Variants in CUL4A observed in about 807,000 individuals in gnomAD.
The protein encoded by CUL4A is cullin-4A.
CUL4A carries 16 observed loss-of-function variants against 95.5 expected under a neutral mutation model. The ratio of observed to expected loss-of-function variants is 0.17; its 90% CI spans 0.11 to 0.25. The LOEUF is 0.25. CUL4A is among the 10% of genes least tolerant of loss of function. The pLI, the probability that CUL4A is intolerant of heterozygous loss-of-function variation, is 1.00. For missense variants in CUL4A, 610 were observed against 937.0 expected, an observed-to-expected ratio of 0.65 and a Z score of 4.56; for synonymous variants, 380 against 353.1, an observed-to-expected ratio of 1.08 and a Z score of -0.85.
chr13:113,237,386 G>C (rs1486220494), intron 9 of CUL4A, among the ~76,000 whole-genome samples: 4 of 152,232 alleles, frequency 2.6e-5, no homozygotes, highest in African/African-American at 9.6e-5. Flanking sequence ...TGGTTTTCTG[G>C]AAGAGAAGAG....
rs554786448 is a variant in CUL4A, at chr13:113,235,863, T to C, written c.848+718T>C. On this transcript the variant is annotated intron_variant, in intron 8 of 19. Coordinates refer to ENST00000375440, the MANE Select transcript of CUL4A (RefSeq NM_001008895.4). ...GCGGGAACCTATAGTCCCAGCTACT[T>C]GGGAGGCTGAGGCAGGAGAATGGCA... 5.4e-4 allele frequency among the ~76,000 whole-genome samples: 81 copies of C among 150,430 alleles called. No individual in the cohort carries two copies. The Middle Eastern group carries it at 0.01, about 19-fold the overall frequency.
intron 5 of CUL4A, among the ~76,000 whole-genome samples, chr13:113,230,408 T>C (rs928251919): frequency 1.3e-5 from 2 of 152,168 alleles, no homozygotes; most frequent in African/African-American, 2.4e-5. Context: ...CTATACAATT[T>C]TGGACACCCT....
intron 4 of CUL4A, 51 bp downstream of exon 4, chr13:113,228,096 AC>A: frequency 7.4e-7 from 1 of 1,343,466 alleles, no homozygotes; most frequent in Non-Finnish European, 1.1e-6. Flanking sequence ...ATCTTCCCTC[AC>A]CCACATGATT....
Position 113,209,740 on chromosome 13 carries a change from G to C in CUL4A, c.113G>C (p.Gly38Ala), listed in dbSNP as rs953495267. The change falls in exon 1 of 20, where the codon GGC becomes GCC. Residue 38 changes from glycine (G) to alanine (A), a missense_variant. Gly to Ala is a moderately conservative substitution (Grantham distance 60). This residue lies in a region of CUL4A where 168 missense variants were observed against 185.5 expected (regional missense o/e 0.91). Transcript: ENST00000375440. The part of the protein sequence containing the change: ...AAAPAKPGGA[G>A]GSKKLVIKNF... ...GCGCCCGCCAAGCCGGGGGGCGCGGGCGGCTCCAAGAAGCTGGTCATCAAG... is the reference window on the plus strand; with the variant it reads ...GCGCCCGCCAAGCCGGGGGGCGCGGCCGGCTCCAAGAAGCTGGTCATCAAG... 3.4e-6 allele frequency: 4 copies of C among 1,170,488 alleles called. No individual in the cohort carries two copies. The highest frequency in any genetic ancestry group is 4.2e-6 in the Non-Finnish European group (4 of 948,636). 72.5% of individuals were successfully genotyped at this position (1,170,488 alleles called of 1,614,324 possible). A position where few individuals can be genotyped will look rare whatever the true frequency, so the allele number is the denominator to read the frequency against.
intron 18 of CUL4A, among the ~76,000 whole-genome samples, chr13:113,255,436 A>T (rs746465435): frequency 3.9e-5 from 6 of 152,154 alleles, no homozygotes; most frequent in Non-Finnish European, 8.8e-5. Flanking sequence ...ATAGAATCTG[A>T]TATGGTTCAC....
In CUL4A at chr13:113,211,381, T is replaced by G. The variant is rs72665217; in HGVS notation, c.264+1293T>G. On this transcript the variant is annotated intron_variant, in intron 2 of 19. Transcript: ENST00000375440. The stretch of plus-strand genomic sequence containing the variant: ...GACATTTGGGTGTCCATGTTTGGGG[T>G]TTTTTGTTTGTTTGTTCTTTGAGAC... Among the ~76,000 whole-genome samples, 713 of 152,182 alleles carry G rather than the reference T, an allele frequency of 4.7e-3. 1 individual carries two copies. The highest frequency in any genetic ancestry group is 0.01 in the Middle Eastern group (3 of 294).
chr13:113,241,511 C>CTTTT (rs10645246), intron 10 of CUL4A, among the ~76,000 whole-genome samples: 89 of 120,042 alleles, frequency 7.4e-4, no homozygotes, highest in Admixed American at 1.1e-3. Flanking sequence ...CTGTTGGCAT[C>CTTTT]TTTTTTTTTT....
At chr13:113,241,005 A>AG (rs1391737197) in intron 10 of CUL4A, among the ~76,000 whole-genome samples, 33 of 152,258 alleles carry the variant, frequency 2.2e-4, no homozygotes, top group Non-Finnish European at 7.3e-5. Flanking sequence ...TAAATAAAAA[A>AG]GATAAAGCTT....
chr13:113,229,196 GA>G (rs894349269), intron 4 of CUL4A, among the ~76,000 whole-genome samples: 13 of 150,842 alleles, frequency 8.6e-5, no homozygotes, highest in Admixed American at 4.0e-4. Flanking sequence ...TCTTTAAAAA[GA>G]AAAAAAAGAT....
chr13:113,231,489 T>A (rs1454757344), intron 5 of CUL4A, among the ~76,000 whole-genome samples: 1 of 151,736 alleles, frequency 6.6e-6, no homozygotes, highest in African/African-American at 2.4e-5. Flanking sequence ...CCTGAAGGGT[T>A]TTTCAGCTGA....
In CUL4A at chr13:113,228,039, A is replaced by G; in HGVS notation, c.432A>G (p.Arg144=). ...ACACGTGCTGGCAGGACCACTGCAG[A>G]CAAATGGTAAGCTTGTTCACTTTTT... The part of the protein sequence containing the change: ...KINTCWQDHC[R]QMIMIRSIFL... The change falls in exon 4 of 20, where the codon AGA becomes AGG. Residue 144 remains arginine (R), a synonymous_variant. Coordinates refer to ENST00000375440, the MANE Select transcript of CUL4A (RefSeq NM_001008895.4). The G allele has an allele frequency of 1.2e-6, 2 of 1,612,280 alleles. No homozygotes were observed. Among genetic ancestry groups the G allele is most frequent in the Non-Finnish European group, 8.5e-7 (1 of 1,178,268 alleles).
At chr13:113,234,533 T>C (rs1483563451) in intron 7 of CUL4A, among the ~76,000 whole-genome samples, 1 of 152,126 alleles carries the variant, frequency 6.6e-6, no homozygotes, top group Non-Finnish European at 1.5e-5. Context: ...CAGAGGAAGT[T>C]TCATGTCAGA....
intron 5 of CUL4A, 33 bp downstream of exon 5, chr13:113,229,552 C>G: frequency 1.9e-6 from 3 of 1,556,402 alleles, no homozygotes; most frequent in Non-Finnish European, 2.7e-6. Flanking sequence ...GCTGCGTCTT[C>G]CCTGCAGCTG....
At chr13:113,208,679 G>T (rs148604743), upstream of CUL4A, 1,788 of 1,575,852 alleles carry the variant, frequency 1.1e-3, 23 homozygotes, top group African/African-American at 0.022. Flanking sequence ...CGCCTCAAGC[G>T]GGCCAGCTGG....
chr13:113,262,592 T>G (rs1047294218), intron 19 of CUL4A, among the ~76,000 whole-genome samples: 1 of 152,174 alleles, frequency 6.6e-6, no homozygotes, highest in Non-Finnish European at 1.5e-5. Context: ...GAGGCTGCAG[T>G]GAGCTGAGAT....
intron 19 of CUL4A, among the ~76,000 whole-genome samples, chr13:113,261,151 G>A (rs1204396721): frequency 6.6e-6 from 1 of 152,136 alleles, no homozygotes; most frequent in Admixed American, 6.5e-5. Flanking sequence ...TTTCCACCAC[G>A]GTAATAGTCT....
intron 18 of CUL4A, among the ~76,000 whole-genome samples, chr13:113,256,988 C>T (rs1415271323): frequency 2.6e-5 from 3 of 114,364 alleles, no homozygotes; most frequent in Non-Finnish European, 1.6e-5. Context: ...TGCAGTGGTA[C>T]AATCTCGCTC....
intron 2 of CUL4A, among the ~76,000 whole-genome samples, chr13:113,213,017 T>G (rs574460699): frequency 6.6e-6 from 1 of 152,298 alleles, no homozygotes; most frequent in South Asian, 2.1e-4. Flanking sequence ...TCGGCCAATT[T>G]GTATAAGAAA....
chr13:113,226,145 A>T lies in CUL4A; in HGVS notation c.369-1831A>T, dbSNP rs115461176. On this transcript the variant is annotated intron_variant, in intron 3 of 19. Transcript: ENST00000375440. ...CCTGGCACTCTTTCTTTGTCAGGCC[A>T]CTCGTTGCCACCCTGAGACTCCAGC... 7.3e-3 allele frequency among the ~76,000 whole-genome samples: 1,102 copies of T among 151,980 alleles called. 17 individuals are homozygous for T. Among genetic ancestry groups the T allele is most frequent in the African/African-American group, 0.025 (1,031 of 41,456 alleles).
Sources: allele counts gnomAD v4.1 joint callset (sites outside exome capture counted in the v4.1 genomes callset), GRCh38; gene constraint gnomAD v4.1.1; regional missense constraint gnomAD v4.1.1; transcripts MANE v1.5; gene names NCBI Gene and HGNC (gene_info 2026-07-23, HGNC 2026-07-21).